ANKHD1: variants seen among roughly 807,000 people sequenced by gnomAD.
The protein encoded by ANKHD1 is ankyrin repeat and KH domain-containing protein 1.
Under a neutral mutation model 230.5 loss-of-function variants are expected in ANKHD1, and 31 were observed. The observed-to-expected ratio is 0.13, with a 90% CI of 0.10 to 0.18. The LOEUF (loss-of-function observed/expected upper bound fraction) is 0.18, where lower values mean the gene tolerates loss of function less well. Among genes scored for constraint, ANKHD1 ranks in the 10% least tolerant of loss-of-function variants. The pLI, the probability that ANKHD1 is intolerant of heterozygous loss-of-function variation, is 1.00. For missense variants in ANKHD1, 2,256 were observed against 3,071.3 expected, an observed-to-expected ratio of 0.73 and a Z score of 6.27; for synonymous variants, 1,074 against 1,117.6, an observed-to-expected ratio of 0.96 and a Z score of 0.78.
At chr5:140,422,401 A>G (rs980058476) in intron 1 of ANKHD1, among the ~76,000 whole-genome samples, 2 of 152,124 alleles carry the variant, frequency 1.3e-5, no homozygotes, top group Non-Finnish European at 2.9e-5. Flanking sequence ...CTGGGATTAC[A>G]GGCATCAGCC....
chr5:140,483,306 A>G (rs1216466394), intron 11 of ANKHD1, among the ~76,000 whole-genome samples: 1 of 152,198 alleles, frequency 6.6e-6, no homozygotes, highest in East Asian at 1.9e-4. Context: ...ATACTGTGGC[A>G]TATAATGAAA....
chr5:140,436,406 T>G, intron 2 of ANKHD1, 149 bp downstream of exon 2: 1 of 1,121,780 alleles, frequency 8.9e-7, no homozygotes. Flanking sequence ...AAGAAAATGT[T>G]CACATTTTGT....
At chr5:140,477,130 T>A (rs1056403080) in intron 10 of ANKHD1, among the ~76,000 whole-genome samples, 3 of 152,038 alleles carry the variant, frequency 2.0e-5, no homozygotes, top group African/African-American at 7.2e-5. Flanking sequence ...TGGGAAAAAA[T>A]TATGTAAAGC....
At chr5:140,418,023 G>T (rs1771549951) in intron 1 of ANKHD1, among the ~76,000 whole-genome samples, 1 of 150,970 alleles carries the variant, frequency 6.6e-6, no homozygotes, top group Non-Finnish European at 1.5e-5. Flanking sequence ...TGTATTTTTA[G>T]TAGAGATGGG....
intron 10 of ANKHD1, among the ~76,000 whole-genome samples, chr5:140,479,599 T>C (rs1331722128): frequency 4.0e-5 from 6 of 151,680 alleles, no homozygotes; most frequent in Non-Finnish European, 5.9e-5. Flanking sequence ...TACATATATA[T>C]TCCCATTATT....
chr5:140,525,761 A>G (rs1222956126), intron 25 of ANKHD1, among the ~76,000 whole-genome samples: 1 of 151,844 alleles, frequency 6.6e-6, no homozygotes, highest in Non-Finnish European at 1.5e-5. Flanking sequence ...CCAGCTACCC[A>G]GGAGGCAGAG....
intron 14 of ANKHD1, 147 bp downstream of exon 14, chr5:140,487,207 T>A: frequency 1.1e-6 from 1 of 895,344 alleles, no homozygotes; most frequent in Non-Finnish European, 1.5e-6. Flanking sequence ...TCTTACTATC[T>A]AAAACCAAAA....
At chr5:140,480,138 A>C (rs1293731523) in intron 10 of ANKHD1, among the ~76,000 whole-genome samples, 1 of 151,976 alleles carries the variant, frequency 6.6e-6, no homozygotes, top group Non-Finnish European at 1.5e-5. Flanking sequence ...TTAAGACACA[A>C]AATGTTGTAA....
chr5:140,534,418 A>T (rs1003625526), intron 29 of ANKHD1, among the ~76,000 whole-genome samples: 2 of 152,032 alleles, frequency 1.3e-5, no homozygotes, highest in African/African-American at 4.8e-5. Context: ...AAATGGAAAT[A>T]TGAGGGTGAG....
intron 1 of ANKHD1, among the ~76,000 whole-genome samples, chr5:140,432,835 C>T (rs141987212): frequency 0.013 from 1,958 of 152,164 alleles, 51 homozygotes; most frequent in African/African-American, 0.045. Flanking sequence ...TCATGAGTAG[C>T]TGGGACTACA....
At chr5:140,442,970 A>G (rs1773976501) in intron 5 of ANKHD1, among the ~76,000 whole-genome samples, 2 of 150,230 alleles carry the variant, frequency 1.3e-5, no homozygotes, top group South Asian at 4.2e-4. Flanking sequence ...CAGTGGTGCG[A>G]TCTCAGCTCA....
At chr5:140,533,519 A>G (rs377760055) in intron 29 of ANKHD1, among the ~76,000 whole-genome samples, 1 of 152,146 alleles carries the variant, frequency 6.6e-6, no homozygotes, top group Non-Finnish European at 1.5e-5. Context: ...GAATGGCGTG[A>G]ACCCGGGAGG....
chr5:140,462,458 G>T (rs894868230), intron 9 of ANKHD1, among the ~76,000 whole-genome samples: 3 of 152,072 alleles, frequency 2.0e-5, no homozygotes, highest in East Asian at 3.9e-4. Context: ...AAGGCCAGGC[G>T]TGGTGGCTGT....
chr5:140,485,450 AAAT>A lies in ANKHD1; in HGVS notation c.1999-134_1999-132del, dbSNP rs1371284217. The A allele has an allele frequency of 3.9e-6, 4 of 1,028,586 alleles. No individual in the cohort carries two copies. The highest frequency in any genetic ancestry group is 5.3e-6 in the Non-Finnish European group (4 of 755,446). The allele number at this position is 1,028,586 out of a possible 1,614,324, so 63.7% of individuals were successfully genotyped here. A position where few individuals can be genotyped will look rare whatever the true frequency, so the allele number is the denominator to read the frequency against. ...CACGTATGTATGTGTATATATATAT[AAAT>A]AATATGTGTATAGTTATAAAAATAT... On this transcript the variant is annotated intron_variant, in intron 12 of 33. Coordinates refer to ENST00000360839, the MANE Select transcript of ANKHD1 (RefSeq NM_017747.3). The surrounding 1 kb of genome is among the most constrained non-coding windows in gnomAD (Gnocchi z 4.8).
At position 140,506,317 on chromosome 5, in the gene ANKHD1, G is replaced by A. The variant is rs994010273; in HGVS notation, c.3408+448G>A. Among the ~76,000 whole-genome samples, 27 of 150,974 alleles carry A rather than the reference G, an allele frequency of 1.8e-4. No homozygotes were observed. The highest frequency in any genetic ancestry group is 5.4e-4 in the African/African-American group (22 of 41,082). On this transcript the variant is annotated intron_variant, in intron 18 of 33. Transcript: ENST00000360839. The surrounding 1 kb of genome is among the most constrained non-coding windows in gnomAD (Gnocchi z 4.7). ...AATGTAAATGCCCTTTTTTTTTGGCGGGGGTTTGTGGAGGGAACAGGAGGG... is the reference window on the plus strand; with the variant it reads ...AATGTAAATGCCCTTTTTTTTTGGCAGGGGTTTGTGGAGGGAACAGGAGGG...
intron 7 of ANKHD1, 107 bp downstream of exon 7, chr5:140,449,412 C>A (rs988964536): frequency 1.5e-6 from 2 of 1,307,966 alleles, no homozygotes; most frequent in African/African-American, 1.5e-5. Flanking sequence ...CGCCTGTAAT[C>A]CCAGCACTTT....
At chr5:140,451,836 C>A (rs1774760498) in intron 7 of ANKHD1, among the ~76,000 whole-genome samples, 1 of 152,050 alleles carries the variant, frequency 6.6e-6, no homozygotes, top group Non-Finnish European at 1.5e-5. Context: ...AACTACTAAA[C>A]CTTATTTTTC....
At position 140,449,195 on chromosome 5, in the gene ANKHD1, T is replaced by G; in HGVS notation, c.1148-16T>G. On this transcript the variant is annotated splice_polypyrimidine_tract_variant and intron_variant, in intron 6 of 33. Coordinates refer to ENST00000360839, the MANE Select transcript of ANKHD1 (RefSeq NM_017747.3). ...TGATAGTGAATTCTTTTAAAATTTT[T>G]GTTCCTTTTTTCAAGGCCATTTGGA... The G allele has an allele frequency of 6.3e-7, 1 of 1,594,014 alleles. No individual in the cohort carries two copies. Among genetic ancestry groups the G allele is most frequent in the Non-Finnish European group, 8.6e-7 (1 of 1,169,092 alleles).
At chr5:140,407,048 G>A (rs1340563294) in intron 1 of ANKHD1, among the ~76,000 whole-genome samples, 2 of 151,748 alleles carry the variant, frequency 1.3e-5, no homozygotes, top group Non-Finnish European at 2.9e-5. Context: ...TGTAATCCCA[G>A]CACTTTGGGA....
Sources: gnomAD v4.1 joint callset for allele counts (sites outside exome capture counted in the v4.1 genomes callset) on GRCh38, gnomAD v4.1.1 for gene constraint, Gnocchi (gnomAD v3.1) non-coding constraint, MANE v1.5 for transcripts, NCBI Gene and HGNC (gene_info 2026-07-23, HGNC 2026-07-21) for gene names.